Variants in MYO5A observed in about 807,000 individuals in gnomAD.
MYO5A encodes myosin VA.
In MYO5A, 98 loss-of-function variants were observed where a neutral mutation model predicts 249.7. The ratio of observed to expected loss-of-function variants is 0.39; its 90% CI spans 0.33 to 0.46. The LOEUF is 0.46. MYO5A is among the 20% of genes least tolerant of loss of function. The pLI is 0.98. For synonymous variants in MYO5A, 778 were observed against 810.6 expected (o/e 0.96, Z 0.68); for missense variants, 1,696 against 2,308.8 (o/e 0.73, Z 5.44).
intron 1 of MYO5A, among the ~76,000 whole-genome samples, chr15:52,479,576 TA>T (rs1320327129): frequency 2.6e-5 from 4 of 152,026 alleles, no homozygotes; most frequent in Non-Finnish European, 5.9e-5. Flanking sequence ...ATGGAATACT[TA>T]AAAAAAAGTT....
At chr15:52,359,674 T>C (rs1315039733) in intron 25 of MYO5A, among the ~76,000 whole-genome samples, 1 of 152,112 alleles carries the variant, frequency 6.6e-6, no homozygotes, top group East Asian at 1.9e-4. Context: ...CCTGTAAACA[T>C]ATCATGTTAG....
At chr15:52,437,943 C>G in intron 1 of MYO5A, 1 of 789,716 alleles carries the variant, frequency 1.3e-6, no homozygotes, top group Non-Finnish European at 1.5e-6. Context: ...GAACACCACC[C>G]TGATAACCAA....
At chr15:52,447,794 G>C (rs2075924064) in intron 1 of MYO5A, among the ~76,000 whole-genome samples, 1 of 152,224 alleles carries the variant, frequency 6.6e-6, no homozygotes, top group Non-Finnish European at 1.5e-5. Context: ...TTGTGCCCTT[G>C]CTCTAGGGAT....
intron 37 of MYO5A, among the ~76,000 whole-genome samples, chr15:52,322,617 A>T (rs968839747): frequency 1.3e-5 from 2 of 152,244 alleles, no homozygotes; most frequent in African/African-American, 4.8e-5. Context: ...TGTCTGACAC[A>T]TACTAAAGCA....
intron 2 of MYO5A, among the ~76,000 whole-genome samples, chr15:52,432,569 G>C (rs1047023828): frequency 6.6e-6 from 1 of 152,168 alleles, no homozygotes; most frequent in Non-Finnish European, 1.5e-5. Context: ...TTTGAAGTTT[G>C]GCTTTCTTAT....
Position 52,313,631 on chromosome 15 carries a change from C to T in MYO5A, c.*65G>A. On this transcript the variant is annotated 3_prime_UTR_variant, in exon 42 of 42. Transcript: ENST00000399233. ...TTAAAAATGTATTTTCAGTAACTCA[C>T]TGGAAATAATGGGTTCTTATTTCGG... The T allele has an allele frequency of 1.9e-6, 3 of 1,580,246 alleles. No homozygotes were observed. Among genetic ancestry groups the T allele is most frequent in the Non-Finnish European group, 8.7e-7 (1 of 1,150,180 alleles).
intron 34 of MYO5A, among the ~76,000 whole-genome samples, chr15:52,332,525 T>C (rs1463290414): frequency 1.3e-5 from 2 of 152,232 alleles, no homozygotes; most frequent in African/African-American, 4.8e-5. Context: ...AAATGTCAGA[T>C]AGAATGTGCC....
chr15:52,518,573 AT>A (rs1322709562), intron 1 of MYO5A, among the ~76,000 whole-genome samples: 1 of 152,178 alleles, frequency 6.6e-6, no homozygotes, highest in Non-Finnish European at 1.5e-5. Flanking sequence ...AAACTAGAAG[AT>A]TTTTTTCTAA....
chr15:52,418,341 G>A (rs922441273), intron 4 of MYO5A, among the ~76,000 whole-genome samples: 6 of 152,124 alleles, frequency 3.9e-5, no homozygotes, highest in African/African-American at 4.8e-5. Context: ...TGCTTCATTC[G>A]TTCATTTAAC....
intron 1 of MYO5A, chr15:52,435,718 T>C (rs1284079051): frequency 1.1e-5 from 5 of 442,554 alleles, no homozygotes; most frequent in Admixed American, 2.6e-5. Flanking sequence ...TATAAGGTTA[T>C]TAACTAACTT....
intron 31 of MYO5A, among the ~76,000 whole-genome samples, chr15:52,340,947 C>A (rs1452740329): frequency 3.8e-5 from 5 of 131,850 alleles, no homozygotes; most frequent in African/African-American, 1.7e-4. Context: ...AGCAAAACTT[C>A]GTCTCAAAAA....
At chr15:52,415,550 G>A (rs900311247) in intron 5 of MYO5A, among the ~76,000 whole-genome samples, 5 of 152,040 alleles carry the variant, frequency 3.3e-5, no homozygotes, top group South Asian at 2.1e-4. Flanking sequence ...CTATAGCTGT[G>A]TTATGTGCTT....
Position 52,313,825 on chromosome 15 carries a change from G to C in MYO5A, c.5514C>G (p.Asp1838Glu), listed in dbSNP as rs766285464. ...TAGCATCCATGAGCAGCTGGGGAGAGTCTTTCCTGTCTCGTAAACGCATCT... is the reference window on the plus strand; with the variant it reads ...TAGCATCCATGAGCAGCTGGGGAGACTCTTTCCTGTCTCGTAAACGCATCT... ...TIQMRLRDRK[D>E]SPQLLMDAKH... The change falls in exon 42 of 42, where the codon GAC becomes GAG. Residue 1838 changes from aspartate (D) to glutamate (E), a missense_variant. Physicochemically the swap from Asp to Glu is conservative, Grantham distance 45. This residue lies in a region of MYO5A where 625 missense variants were observed against 908.1 expected (regional missense o/e 0.69). Coordinates refer to ENST00000399233, the MANE Select transcript of MYO5A (RefSeq NM_001382347.1). 3 of 1,614,008 alleles carry C rather than the reference G, an allele frequency of 1.9e-6. No homozygotes were observed. Among genetic ancestry groups the C allele is most frequent in the Non-Finnish European group, 2.5e-6 (3 of 1,179,976 alleles).
chr15:52,498,745 C>G (rs2077093204), intron 1 of MYO5A, among the ~76,000 whole-genome samples: 1 of 152,078 alleles, frequency 6.6e-6, no homozygotes, highest in Admixed American at 6.6e-5. Context: ...TATTAATGTC[C>G]TTTTGAACAT....
chr15:52,361,432 T>C (rs1448815092), intron 24 of MYO5A, among the ~76,000 whole-genome samples: 3 of 152,206 alleles, frequency 2.0e-5, no homozygotes, highest in Admixed American at 6.5e-5. Context: ...AGGAATACCT[T>C]AAGGCATTAA....
chr15:52,497,756 C>CAAAAAA (rs35145185), intron 1 of MYO5A, among the ~76,000 whole-genome samples: 3 of 62,624 alleles, frequency 4.8e-5, no homozygotes, highest in South Asian at 6.0e-4. Flanking sequence ...GACTCTGTCT[C>CAAAAAA]AAAAAAAAAA....
chr15:52,468,062 A>G (rs886808770), intron 1 of MYO5A, among the ~76,000 whole-genome samples: 6 of 152,208 alleles, frequency 3.9e-5, no homozygotes, highest in African/African-American at 1.4e-4. Context: ...AAACAAAGAA[A>G]AGATGGACCA....
chr15:52,382,184 G>A (rs1007681250), intron 16 of MYO5A, among the ~76,000 whole-genome samples: 1 of 152,232 alleles, frequency 6.6e-6, no homozygotes, highest in African/African-American at 2.4e-5. Flanking sequence ...TTACAGGTGT[G>A]AGCCACTGCA....
Position 52,313,827 on chromosome 15 carries a change from C to A in MYO5A, c.5512G>T (p.Asp1838Tyr), listed in dbSNP as rs1214777345. ...GCATCCATGAGCAGCTGGGGAGAGT[C>A]TTTCCTGTCTCGTAAACGCATCTGA... is the stretch of plus-strand genomic sequence containing the variant. ...TIQMRLRDRK[D>Y]SPQLLMDAKH... Residue 1838 changes from aspartate to tyrosine, a missense_variant, in exon 42 of 42, where the codon GAC becomes TAC. By Grantham distance (160) the Asp-to-Tyr change is radical. This residue lies in a region of MYO5A where 625 missense variants were observed against 908.1 expected (regional missense o/e 0.69). Coordinates refer to ENST00000399233, the MANE Select transcript of MYO5A (RefSeq NM_001382347.1). 1 of 1,613,998 alleles carries A rather than the reference C, an allele frequency of 6.2e-7. No homozygotes were observed. Among genetic ancestry groups the A allele is most frequent in the Non-Finnish European group, 8.5e-7 (1 of 1,179,970 alleles).
Sources: gnomAD v4.1 joint callset for allele counts (sites outside exome capture counted in the v4.1 genomes callset) on GRCh38, gnomAD v4.1.1 for gene constraint, gnomAD v4.1.1 regional missense constraint, MANE v1.5 for transcripts, NCBI Gene and HGNC (gene_info 2026-07-23, HGNC 2026-07-21) for gene names.